ZFPM1: variants seen among roughly 807,000 people sequenced by gnomAD.
The protein encoded by ZFPM1 is zinc finger protein ZFPM1.
A neutral mutation model predicts 46.3 loss-of-function variants in ZFPM1; 28 were observed. That is an observed-to-expected ratio of 0.60 (90% CI 0.45 to 0.83). The LOEUF (loss-of-function observed/expected upper bound fraction) is 0.83, where lower values mean the gene tolerates loss of function less well. ZFPM1 is among the 40% of genes least tolerant of loss of function. ZFPM1 has a pLI of 0.00. For synonymous variants in ZFPM1, 957 were observed against 675.9 expected, an observed-to-expected ratio of 1.42 and a Z score of -6.45; for missense variants, 1,878 against 1,432.4, an observed-to-expected ratio of 1.31 and a Z score of -5.02.
At chr16:88,502,081 T>TCCC (rs1567541899) in intron 3 of ZFPM1, among the ~76,000 whole-genome samples, 1 of 131,290 alleles carries the variant, frequency 7.6e-6, no homozygotes, top group African/African-American at 3.0e-5. Flanking sequence ...TTTATTTATT[T>TCCC]ATTTATTTAT....
chr16:88,479,825 C>T (rs1279480375), intron 1 of ZFPM1, among the ~76,000 whole-genome samples: 1 of 144,062 alleles, frequency 6.9e-6, no homozygotes, highest in Non-Finnish European at 1.5e-5. Context: ...CGACCTGTGC[C>T]CCTCTCCGCT....
rs1290505239 is a variant in ZFPM1 at position 88,471,727 on chromosome 16, T to C, written c.41-14212T>C. Among the ~76,000 whole-genome samples, 1 of 152,210 alleles carries C rather than the reference T, an allele frequency of 6.6e-6. No individual in the cohort carries two copies. Among genetic ancestry groups the C allele is most frequent in the East Asian group, 1.9e-4 (1 of 5,184 alleles). ...GCTCTAAAGCCACATGGCCTGGGCA[T>C]GAATTCCTGCCCACCACTTACTCAC... is the stretch of plus-strand genomic sequence containing the variant. On this transcript the variant is annotated intron_variant, in intron 1 of 9. Transcript: ENST00000319555. This position sits in a 1 kb window ranked among gnomAD's most constrained non-coding sequence, Gnocchi z 4.1.
Position 88,534,021 on chromosome 16 carries a change from G to A in ZFPM1, c.2063G>A (p.Cys688Tyr). Residue 688 changes from cysteine to tyrosine, a missense_variant, in exon 10 of 10, where the codon TGC (cysteine) becomes TAC (tyrosine). Transcript: ENST00000319555. ...CCCAGCCGCACGCTGTGCGAGGCCT[G>A]CAACATCCGCTTCAGCCGCCACGAG... ...DDPSRTLCEA[C>Y]NIRFSRHETY... is the part of the protein sequence containing the mutation. 1.5e-6 allele frequency: 2 copies of A among 1,347,088 alleles called. No homozygotes were observed. The highest frequency in any genetic ancestry group is 1.9e-6 in the Non-Finnish European group (2 of 1,034,114). The allele number at this position is 1,347,088 out of a possible 1,614,324, so 83.4% of individuals were successfully genotyped here.
chr16:88,516,729 C>T, intron 4 of ZFPM1: 1 of 396,522 alleles, frequency 2.5e-6, no homozygotes, highest in East Asian at 3.6e-5. Context: ...CTCCCCGACC[C>T]CTCCCTGAGG....
At chr16:88,473,733 C>T (rs1908535247) in intron 1 of ZFPM1, among the ~76,000 whole-genome samples, 1 of 152,184 alleles carries the variant, frequency 6.6e-6, no homozygotes, top group African/African-American at 2.4e-5. Flanking sequence ...GCTGGGACCT[C>T]TCCTCCTCCC....
intron 1 of ZFPM1, among the ~76,000 whole-genome samples, chr16:88,474,304 A>AG (rs1297662501): frequency 6.6e-6 from 1 of 152,154 alleles, no homozygotes; most frequent in Non-Finnish European, 1.5e-5. Flanking sequence ...GGCTCAGGGC[A>AG]GGGGGAGGAT....
chr16:88,477,716 G>A lies in ZFPM1; in HGVS notation c.41-8223G>A, dbSNP rs542701569. 1.7e-4 allele frequency among the ~76,000 whole-genome samples: 26 copies of A among 152,350 alleles called. 2 individuals carry two copies. The highest frequency in any genetic ancestry group is 6.0e-4 in the African/African-American group (25 of 41,576). On this transcript the variant is annotated intron_variant, in intron 1 of 9. Coordinates refer to ENST00000319555, the MANE Select transcript of ZFPM1 (RefSeq NM_153813.3). ...TCTCAAAAAAGAAAAGAAAAGAAAAGCAAAACCAAGAGAATGCTTATGGGG... is the reference window on the plus strand; with the variant it reads ...TCTCAAAAAAGAAAAGAAAAGAAAAACAAAACCAAGAGAATGCTTATGGGG...
Position 88,535,110 on chromosome 16 carries a change from G to A in ZFPM1, c.*131G>A, listed in dbSNP as rs541237102. On this transcript the variant is annotated 3_prime_UTR_variant, in exon 10 of 10. Coordinates refer to ENST00000319555, the MANE Select transcript of ZFPM1 (RefSeq NM_153813.3). ...CAGGCCTCGGCGGAGGGGGCCGCAG[G>A]GGGCAGCGCCCGCCTGGACCCTTGG... 2.6e-6 allele frequency: 3 copies of A among 1,169,586 alleles called. No homozygotes were observed. The highest frequency in any genetic ancestry group is 2.4e-5 in the South Asian group (1 of 42,524). The allele number at this position is 1,169,586 out of a possible 1,614,324, so 72.5% of individuals were successfully genotyped here. A position where few individuals can be genotyped will look rare whatever the true frequency, so the allele number is the denominator to read the frequency against.
intron 1 of ZFPM1, among the ~76,000 whole-genome samples, chr16:88,475,032 G>C (rs1414103602): frequency 6.6e-6 from 1 of 152,248 alleles, no homozygotes; most frequent in East Asian, 1.9e-4. Flanking sequence ...GACAGGTCTG[G>C]CTGCTCTCTG....
chr16:88,453,648 C>CG lies in ZFPM1; in HGVS notation c.12dup (p.Lys5GlufsTer37). ...GCGCGGCGCCGGAGACATGTCCAGG[C>CG]GGAAACAGAGCAACCCCCGGCAGAT... On this transcript the variant is annotated frameshift_variant, in exon 1 of 10. Coordinates refer to ENST00000319555, the MANE Select transcript of ZFPM1 (RefSeq NM_153813.3). LOFTEE classifies it high-confidence loss of function. 8.5e-7 allele frequency: 1 copy of CG among 1,182,734 alleles called. No homozygotes were observed. Among genetic ancestry groups the CG allele is most frequent in the Non-Finnish European group, 1.1e-6 (1 of 937,514 alleles). 73.3% of individuals were successfully genotyped at this position (1,182,734 alleles called of 1,614,324 possible). A position where few individuals can be genotyped will look rare whatever the true frequency, so the allele number is the denominator to read the frequency against.
At chr16:88,527,589 A>AGCCG (rs761320406) in intron 5 of ZFPM1, among the ~76,000 whole-genome samples, 16 of 152,012 alleles carry the variant, frequency 1.1e-4, no homozygotes, top group Admixed American at 2.6e-4. Context: ...CAGGTGAACA[A>AGCCG]GCCGGCCCCG....
chr16:88,491,112 C>T (rs1226095298), intron 3 of ZFPM1, among the ~76,000 whole-genome samples: 3 of 152,134 alleles, frequency 2.0e-5, no homozygotes, highest in East Asian at 1.9e-4. Context: ...TCGGGGGTCC[C>T]AGTCAGGTGC....
chr16:88,476,605 G>A (rs1053755058), intron 1 of ZFPM1, among the ~76,000 whole-genome samples: 5 of 152,076 alleles, frequency 3.3e-5, no homozygotes, highest in South Asian at 4.1e-4. Flanking sequence ...CGAGATCCCC[G>A]GGGGCCCATG....
intron 1 of ZFPM1, among the ~76,000 whole-genome samples, chr16:88,481,270 C>T (rs1413967336): frequency 6.6e-6 from 1 of 152,212 alleles, no homozygotes; most frequent in Non-Finnish European, 1.5e-5. Context: ...GGCCACTGAC[C>T]TCTGCCAGGC....
At chr16:88,516,976 C>T (rs1911340245) in intron 4 of ZFPM1, among the ~76,000 whole-genome samples, 2 of 152,154 alleles carry the variant, frequency 1.3e-5, no homozygotes, top group African/African-American at 4.8e-5. Context: ...CACAAGTCCC[C>T]AGCCGAGTCA....
At chr16:88,456,693 T>TG (rs1051125635) in intron 1 of ZFPM1, among the ~76,000 whole-genome samples, 20 of 151,906 alleles carry the variant, frequency 1.3e-4, no homozygotes, top group South Asian at 2.1e-4. Context: ...CGCCTGGGGC[T>TG]GGGGGGCCAG....
intron 4 of ZFPM1, among the ~76,000 whole-genome samples, chr16:88,524,076 C>T (rs1912122770): frequency 6.6e-6 from 1 of 152,240 alleles, no homozygotes; most frequent in African/African-American, 2.4e-5. Context: ...CTGTCAGTCT[C>T]AGTTTGAGGG....
chr16:88,455,749 G>A (rs953851899), intron 1 of ZFPM1, among the ~76,000 whole-genome samples: 3 of 152,202 alleles, frequency 2.0e-5, no homozygotes, highest in Non-Finnish European at 4.4e-5. Context: ...GGCTGAGATA[G>A]GCGCTTCCAT....
chr16:88,529,038 G>A (rs531502270), intron 6 of ZFPM1, among the ~76,000 whole-genome samples: 1 of 152,340 alleles, frequency 6.6e-6, no homozygotes, highest in South Asian at 2.1e-4. Flanking sequence ...CCAGCACCGT[G>A]GGAGGCCGAG....
Sources: gnomAD v4.1 joint callset for allele counts (sites outside exome capture counted in the v4.1 genomes callset) on GRCh38, gnomAD v4.1.1 for gene constraint, Gnocchi (gnomAD v3.1) non-coding constraint, MANE v1.5 for transcripts, NCBI Gene and HGNC (gene_info 2026-07-23, HGNC 2026-07-21) for gene names.